Variants in FILIP1L observed in about 807,000 individuals in gnomAD.
FILIP1L encodes filamin A interacting protein 1 like, also known as filamin A-interacting protein 1-like.
A neutral mutation model predicts 96.6 loss-of-function variants in FILIP1L; 55 were observed. The ratio of observed to expected loss-of-function variants is 0.57; its 90% confidence interval spans 0.46 to 0.71. The LOEUF (loss-of-function observed/expected upper bound fraction) is 0.71, where lower values mean the gene tolerates loss of function less well. Among genes scored for constraint, FILIP1L ranks in the 30% least tolerant of loss-of-function variants. The pLI is 0.00. For synonymous variants in FILIP1L, 467 were observed against 473.9 expected (o/e 0.99, Z 0.19); for missense variants, 1,304 against 1,321.2 (o/e 0.99, Z 0.20).
chr3:100,021,917 G>T (rs371314557), intron 1 of FILIP1L, among the ~76,000 whole-genome samples: 3 of 37,226 alleles, frequency 8.1e-5, no homozygotes, highest in African/African-American at 2.4e-4. Context: ...AGATCCCATT[G>T]TGTGTGTGTG....
chr3:99,972,650 T>A (rs1708858023), intron 1 of FILIP1L, among the ~76,000 whole-genome samples: 1 of 152,152 alleles, frequency 6.6e-6, no homozygotes, highest in Non-Finnish European at 1.5e-5. Context: ...TGAGCCCATG[T>A]CACCACCCTG....
intron 1 of FILIP1L, among the ~76,000 whole-genome samples, chr3:100,105,901 A>G (rs1196671106): frequency 6.6e-6 from 1 of 152,120 alleles, no homozygotes; most frequent in Non-Finnish European, 1.5e-5. Flanking sequence ...TTTTTTAATC[A>G]ATGAGCTTTC....
At chr3:99,986,435 T>C (rs116330945) in intron 1 of FILIP1L, among the ~76,000 whole-genome samples, 1,956 of 152,336 alleles carry the variant, frequency 0.013, 21 homozygotes, top group Non-Finnish European at 0.018. Context: ...CATACATTAT[T>C]TTTAACAACA....
chr3:99,884,096 G>A (rs996968091), intron 4 of FILIP1L, among the ~76,000 whole-genome samples: 1 of 152,180 alleles, frequency 6.6e-6, no homozygotes, highest in African/African-American at 2.4e-5. Context: ...TATCTAGTTA[G>A]CAGCCCTTAT....
At chr3:100,013,221 T>TGTTGTTGTTGTTGTTGTTGTTGTG (rs1710216939) in intron 1 of FILIP1L, among the ~76,000 whole-genome samples, 1 of 146,618 alleles carries the variant, frequency 6.8e-6, no homozygotes. Flanking sequence ...GAGGTGTTGT[T>TGTTGTTGTTGTTGTTGTTGTTGTG]GTTGTTGTTG....
At position 99,850,497 on chromosome 3, in the gene FILIP1L, C is replaced by A; in HGVS notation, c.1179G>T (p.Glu393Asp). The A allele has an allele frequency of 6.2e-7, 1 of 1,613,200 alleles. No individual in the cohort carries two copies. Among genetic ancestry groups the A allele is most frequent in the Non-Finnish European group, 8.5e-7 (1 of 1,179,842 alleles). Reference protein sequence around the residue: ...EGKDEELIKMEEQCRDLNKRL... With the variant: ...EGKDEELIKMDEQCRDLNKRL... ...TCTTATTGAGATCTCTGCACTGCTC[C>A]TCCATTTTTATGAGCTCTTCATCTT... is the stretch of plus-strand genomic sequence containing the variant. Residue 393 changes from glutamate (E) to aspartate (D), a missense_variant, in exon 5 of 6, where the codon GAG becomes GAT. Coordinates refer to ENST00000477258, the MANE Select transcript of FILIP1L (RefSeq NM_001387850.1).
intron 1 of FILIP1L, among the ~76,000 whole-genome samples, chr3:100,109,298 G>A (rs1390640985): frequency 6.6e-6 from 1 of 152,038 alleles, no homozygotes; most frequent in African/African-American, 2.4e-5. Flanking sequence ...AGTTTGAAGT[G>A]GGATTCTCTC....
At chr3:99,908,856 C>CA (rs926024597) in intron 4 of FILIP1L, among the ~76,000 whole-genome samples, 11 of 151,194 alleles carry the variant, frequency 7.3e-5, no homozygotes, top group Middle Eastern at 3.4e-3. Context: ...CTACCATCTA[C>CA]AAAAAAAAAT....
At chr3:100,106,658 G>A (rs2066400360) in intron 1 of FILIP1L, among the ~76,000 whole-genome samples, 1 of 152,168 alleles carries the variant, frequency 6.6e-6, no homozygotes, top group Non-Finnish European at 1.5e-5. Flanking sequence ...GCATATGCAT[G>A]CTCACCTGGC....
chr3:99,906,859 C>A (rs188022428), intron 4 of FILIP1L, among the ~76,000 whole-genome samples: 88 of 152,324 alleles, frequency 5.8e-4, no homozygotes, highest in Admixed American at 1.9e-3. Context: ...TTTCCCCACC[C>A]ATGCCCTAAC....
rs2107525232 is a variant in FILIP1L at position 99,849,685 on chromosome 3, G to C, written c.1991C>G (p.Ala664Gly). ...DEYETLERRYANERDKAQFLS... is the reference protein window; with the variant it reads ...DEYETLERRYGNERDKAQFLS... ...AAATTGAGCTTTGTCTCGTTCATTA[G>C]CATACCTTCGTTCTAGAGTCTCATA... Residue 664 changes from alanine to glycine, a missense_variant, in exon 5 of 6, where the codon GCT (alanine) becomes GGT (glycine). By Grantham distance (60) the Ala-to-Gly change is moderately conservative (BLOSUM62 0). Coordinates refer to ENST00000477258, the MANE Select transcript of FILIP1L (RefSeq NM_001387850.1). The C allele has an allele frequency of 1.9e-6, 3 of 1,613,422 alleles. No homozygotes were observed. The South Asian group carries it at 3.3e-5, about 18-fold the overall frequency.
intron 1 of FILIP1L, among the ~76,000 whole-genome samples, chr3:100,042,871 A>T (rs1471851898): frequency 6.6e-6 from 1 of 152,256 alleles, no homozygotes; most frequent in Non-Finnish European, 1.5e-5. Flanking sequence ...AAGGAGAGGA[A>T]TAGAGCCAAA....
intron 1 of FILIP1L, among the ~76,000 whole-genome samples, chr3:100,106,393 A>G (rs1033598977): frequency 6.6e-6 from 1 of 152,162 alleles, no homozygotes; most frequent in Non-Finnish European, 1.5e-5. Flanking sequence ...CCATCTAGCC[A>G]GATTTATTAA....
At chr3:99,895,889 G>A (rs986995614) in intron 4 of FILIP1L, among the ~76,000 whole-genome samples, 4 of 152,194 alleles carry the variant, frequency 2.6e-5, no homozygotes, top group Admixed American at 6.5e-5. Context: ...CAATGTTGAT[G>A]TTTGGTCAGG....
intron 5 of FILIP1L, among the ~76,000 whole-genome samples, chr3:99,831,741 A>AC (rs1942675517): frequency 6.6e-6 from 1 of 152,188 alleles, no homozygotes; most frequent in Non-Finnish European, 1.5e-5. Context: ...TCTGAATCTT[A>AC]CTCCTATGCA....
At chr3:99,899,221 AT>A (rs1706358129) in intron 4 of FILIP1L, among the ~76,000 whole-genome samples, 2 of 152,222 alleles carry the variant, frequency 1.3e-5, no homozygotes, top group South Asian at 4.1e-4. Context: ...ATTTTGCATC[AT>A]ATAAAGAGTC....
intron 1 of FILIP1L, among the ~76,000 whole-genome samples, chr3:99,971,370 C>T (rs1404311816): frequency 6.7e-6 from 1 of 150,114 alleles, no homozygotes; most frequent in Non-Finnish European, 1.5e-5. Context: ...GATGCTGGAA[C>T]CCATAAGTGA....
chr3:100,042,889 G>A lies in FILIP1L; in HGVS notation c.-11+71164C>T, dbSNP rs116143359. 6.0e-3 allele frequency among the ~76,000 whole-genome samples: 919 copies of A among 152,340 alleles called. 10 individuals carry two copies. The highest frequency in any genetic ancestry group is 0.027 in the Middle Eastern group (8 of 294). On this transcript the variant is annotated intron_variant, in intron 1 of 5. Transcript: ENST00000477258. ...GAGAGGAATAGAGCCAAAGTTCCCA[G>A]ACCTTGACAACTAGGGCAAATGTAA...
intron 1 of FILIP1L, among the ~76,000 whole-genome samples, chr3:100,014,895 C>CTTTTTTTTTTTTTTT (rs1233573719): frequency 1.2e-4 from 3 of 25,006 alleles, no homozygotes; most frequent in Non-Finnish European, 2.1e-4. Context: ...TTCTTTCTTT[C>CTTTTTTTTTTTTTTT]TTTTTTTTTT....
Sources: gnomAD v4.1 joint callset for allele counts (sites outside exome capture counted in the v4.1 genomes callset) on GRCh38, gnomAD v4.1.1 for gene constraint, MANE v1.5 for transcripts, NCBI Gene and HGNC (gene_info 2026-07-23, HGNC 2026-07-21) for gene names.